Variants in MYH15 observed in about 807,000 individuals in gnomAD.
MYH15 encodes myosin-15.
MYH15 carries 227 observed loss-of-function variants against 240.5 expected under a neutral mutation model. The observed-to-expected ratio is 0.94, with a 90% CI of 0.85 to 1.05. The LOEUF is 1.05. Among genes scored for constraint, MYH15 ranks in the 50% least tolerant of loss-of-function variants. MYH15 has a pLI of 0.00. For synonymous variants in MYH15, 785 were observed against 796.7 expected (o/e 0.99, Z 0.25); for missense variants, 2,217 against 2,247.5 (o/e 0.99, Z 0.27).
intron 14 of MYH15, among the ~76,000 whole-genome samples, chr3:108,468,153 A>G (rs920790902): frequency 3.3e-5 from 5 of 152,048 alleles, no homozygotes; most frequent in Admixed American, 6.6e-5. Flanking sequence ...TTGAGTAGAG[A>G]CAGGGTTTCA....
chr3:108,437,617 A>G lies in MYH15; in HGVS notation c.3158T>C (p.Leu1053Pro), dbSNP rs753535923. Residue 1053 changes from leucine (L) to proline (P), a missense_variant, in exon 25 of 41, where the codon CTG (leucine) becomes CCG (proline). Leu to Pro is a moderately conservative substitution (Grantham distance 98). Coordinates refer to ENST00000693548, the MANE Select transcript of MYH15 (RefSeq NM_014981.3). Reference protein sequence around the residue: ...ELHKLEGNLKLNRESMENLES... With the variant: ...ELHKLEGNLKPNRESMENLES... ...CAGGTTCTCCATACTTTCCCGATTC[A>G]GCTTTAAATTGCCCTCCAGTTTGTG... 6.2e-7 allele frequency: 1 copy of G among 1,614,090 alleles called. No individual in the cohort carries two copies. The highest frequency in any genetic ancestry group is 8.5e-7 in the Non-Finnish European group (1 of 1,179,990).
chr3:108,470,638 T>C lies in MYH15; in HGVS notation c.1383+60A>G, dbSNP rs2083164444. 3 of 1,569,988 alleles carry C rather than the reference T, an allele frequency of 1.9e-6. No individual in the cohort carries two copies. The African/African-American group carries it at 4.0e-5, about 21-fold the overall frequency. On this transcript the variant is annotated intron_variant, in intron 13 of 40. Coordinates refer to ENST00000693548, the MANE Select transcript of MYH15 (RefSeq NM_014981.3). ...TTGACCATATTTTCCCATCTTCAAG[T>C]AACGTTTTCTAATCTTCTTATAAAT...
chr3:108,549,513 G>C, the MYH15 span, among the ~76,000 whole-genome samples: 1 of 151,808 alleles, frequency 6.6e-6, no homozygotes, highest in Non-Finnish European at 1.5e-5. Context: ...ATATATAATG[G>C]GGTAATTATT....
intron 27 of MYH15, among the ~76,000 whole-genome samples, chr3:108,427,659 G>GAA (rs2082737279): frequency 1.3e-5 from 2 of 149,804 alleles, no homozygotes; most frequent in Non-Finnish European, 3.0e-5. Context: ...GAGAGAGAAA[G>GAA]AGAGAGAGAG....
chr3:108,446,537 T>C (rs1221317588), intron 21 of MYH15, among the ~76,000 whole-genome samples: 1 of 152,118 alleles, frequency 6.6e-6, no homozygotes. Flanking sequence ...ACAAGGATCA[T>C]GAATAATCAA....
At chr3:108,481,955 G>A (rs2083271090) in intron 11 of MYH15, among the ~76,000 whole-genome samples, 1 of 152,128 alleles carries the variant, frequency 6.6e-6, no homozygotes, top group Non-Finnish European at 1.5e-5. Flanking sequence ...CACTGTGAAA[G>A]GACTGACAGT....
At chr3:108,422,412 T>G (rs1375666644) in intron 27 of MYH15, among the ~76,000 whole-genome samples, 4 of 152,124 alleles carry the variant, frequency 2.6e-5, no homozygotes, top group Admixed American at 6.5e-5. Flanking sequence ...AAGATGGGGT[T>G]TCACCATTTT....
At chr3:108,382,264 C>A (rs2082349156) in intron 40 of MYH15, among the ~76,000 whole-genome samples, 2 of 152,292 alleles carry the variant, frequency 1.3e-5, no homozygotes, top group Non-Finnish European at 1.5e-5. Context: ...GCCCCTCTCG[C>A]ATAGGACTTA....
rs758545580 is a variant in MYH15 at position 108,453,039 on chromosome 3, A to AT, written c.2399+966dup. ...GAGTATGCATTATAGTATTTTCTGTATTTTTTATTTACTTGAGAGCTTTCA... is the reference window on the plus strand; with the variant it reads ...GAGTATGCATTATAGTATTTTCTGTATTTTTTTATTTACTTGAGAGCTTTCA... On this transcript the variant is annotated intron_variant, in intron 21 of 40. Coordinates refer to ENST00000693548, the MANE Select transcript of MYH15 (RefSeq NM_014981.3). 6.2e-4 allele frequency among the ~76,000 whole-genome samples: 95 copies of AT among 152,260 alleles called. 1 individual carries two copies. Among genetic ancestry groups the AT allele is most frequent in the South Asian group, 1.2e-3 (6 of 4,818 alleles).
At chr3:108,469,633 T>C (rs2083153795) in intron 14 of MYH15, among the ~76,000 whole-genome samples, 1 of 152,248 alleles carries the variant, frequency 6.6e-6, no homozygotes, top group Admixed American at 6.5e-5. Flanking sequence ...TTTGTTTGCA[T>C]GCTAATTTGC....
At chr3:108,403,117 T>C (rs1285458576) in intron 33 of MYH15, among the ~76,000 whole-genome samples, 2 of 152,238 alleles carry the variant, frequency 1.3e-5, no homozygotes, top group Admixed American at 1.3e-4. Flanking sequence ...CAATATCTGT[T>C]GAACAAGTGA....
rs1462607731 is a variant in MYH15 at position 108,380,381 on chromosome 3, A to T, written c.*1164T>A. 1 of 152,382 alleles carries T rather than the reference A, an allele frequency of 6.6e-6. No homozygotes were observed. Among genetic ancestry groups the T allele is most frequent in the Non-Finnish European group, 1.5e-5 (1 of 68,060 alleles). The allele number at this position is 152,382 out of a possible 1,614,324, so 9.4% of individuals were successfully genotyped here. A position where few individuals can be genotyped will look rare whatever the true frequency, so the allele number is the denominator to read the frequency against. ...AGAATCAGAGAATGACAGAATAAAGATTTATTATAGAGCTTCAGCCTTACA... is the reference window on the plus strand; with the variant it reads ...AGAATCAGAGAATGACAGAATAAAGTTTTATTATAGAGCTTCAGCCTTACA... On this transcript the variant is annotated 3_prime_UTR_variant, in exon 41 of 41. Transcript: ENST00000693548.
the MYH15 span, among the ~76,000 whole-genome samples, chr3:108,539,526 GGTTA>G: frequency 6.6e-6 from 1 of 151,938 alleles, no homozygotes; most frequent in African/African-American, 2.4e-5. Context: ...TCTAATACCT[GGTTA>G]TTTAAAATAA....
chr3:108,473,225 T>A (rs539673230), intron 12 of MYH15, among the ~76,000 whole-genome samples: 1 of 152,316 alleles, frequency 6.6e-6, no homozygotes, highest in East Asian at 1.9e-4. Context: ...GCCAGGCTGG[T>A]CTCAAACTCC....
At chr3:108,474,756 T>A (rs1236526480) in intron 12 of MYH15, among the ~76,000 whole-genome samples, 1 of 152,204 alleles carries the variant, frequency 6.6e-6, no homozygotes, top group Non-Finnish European at 1.5e-5. Context: ...TAAGAAGGTA[T>A]GAAACTGCTG....
intron 18 of MYH15, among the ~76,000 whole-genome samples, chr3:108,458,750 CATTA>C (rs2083045686): frequency 6.7e-6 from 1 of 148,584 alleles, no homozygotes. Context: ...GAATTGAAAA[CATTA>C]AAAAAAAAAA....
At chr3:108,533,487 A>T (rs2083725673), upstream of MYH15, among the ~76,000 whole-genome samples, 1 of 152,202 alleles carries the variant, frequency 6.6e-6, no homozygotes, top group Admixed American at 6.6e-5. Flanking sequence ...AAGAGAATGT[A>T]TAAAAAGATT....
intron 15 of MYH15, 104 bp downstream of exon 15, chr3:108,464,534 T>C: frequency 8.5e-7 from 1 of 1,171,024 alleles, no homozygotes; most frequent in South Asian, 1.6e-5. Flanking sequence ...GTTCTTCTCT[T>C]CATTTAATCT....
chr3:108,472,960 C>T (rs1484631285), intron 12 of MYH15, among the ~76,000 whole-genome samples: 1 of 152,004 alleles, frequency 6.6e-6, no homozygotes, highest in Non-Finnish European at 1.5e-5. Flanking sequence ...GGCAATAGTG[C>T]ATATAGAAAA....
Sources: allele counts gnomAD v4.1 joint callset (sites outside exome capture counted in the v4.1 genomes callset), GRCh38; gene constraint gnomAD v4.1.1; transcripts MANE v1.5; gene names NCBI Gene and HGNC (gene_info 2026-07-23, HGNC 2026-07-21).